KCNK13: variants seen among roughly 807,000 people sequenced by gnomAD.
The protein encoded by KCNK13 is potassium channel subfamily K member 13.
Under a neutral mutation model 23.4 loss-of-function variants are expected in KCNK13, and 12 were observed. The ratio of observed to expected loss-of-function variants is 0.51; its 90% CI spans 0.33 to 0.83. The LOEUF (loss-of-function observed/expected upper bound fraction) is 0.83. KCNK13 is among the 40% of genes least tolerant of loss of function. The pLI is 0.02. For synonymous variants in KCNK13, 231 were observed against 229.5 expected (o/e 1.01, Z -0.06); for missense variants, 463 against 556.3 (o/e 0.83, Z 1.69).
At chr14:90,138,694 T>A (rs144551045) in intron 1 of KCNK13, among the ~76,000 whole-genome samples, 1 of 152,326 alleles carries the variant, frequency 6.6e-6, no homozygotes, top group East Asian at 1.9e-4. Flanking sequence ...TACGGCTGTG[T>A]GATGTGTGCA....
intron 1 of KCNK13, among the ~76,000 whole-genome samples, chr14:90,126,921 A>G (rs1889808296): frequency 6.6e-6 from 1 of 152,182 alleles, no homozygotes; most frequent in Non-Finnish European, 1.5e-5. Flanking sequence ...GTACATCAAG[A>G]TTGTCAAGGT....
intron 1 of KCNK13, among the ~76,000 whole-genome samples, chr14:90,152,177 C>T (rs986720036): frequency 1.4e-4 from 22 of 152,274 alleles, no homozygotes; most frequent in Non-Finnish European, 8.8e-5. Context: ...ATGAGTCTCA[C>T]GAGATCTGAT....
chr14:90,125,584 C>T (rs1210227823), intron 1 of KCNK13, among the ~76,000 whole-genome samples: 8 of 123,740 alleles, frequency 6.5e-5, no homozygotes, highest in Non-Finnish European at 1.1e-4. Context: ...TAAGGAAGTG[C>T]GTAAACACAC....
intron 1 of KCNK13, among the ~76,000 whole-genome samples, chr14:90,143,176 T>TTTC (rs3994012): frequency 0.038 from 3,751 of 97,538 alleles, 157 homozygotes; most frequent in African/African-American, 0.11. Context: ...TCTTTCTTTC[T>TTTC]TTTCTTTTCT....
chr14:90,069,315 T>C (rs1286926), intron 1 of KCNK13, among the ~76,000 whole-genome samples: 1 of 151,772 alleles, frequency 6.6e-6, no homozygotes, highest in Non-Finnish European at 1.5e-5. Context: ...GATTATAGGC[T>C]TGAGCCACTG....
intron 1 of KCNK13, among the ~76,000 whole-genome samples, chr14:90,125,955 G>A (rs989335608): frequency 6.6e-6 from 1 of 151,684 alleles, no homozygotes; most frequent in African/African-American, 2.4e-5. Flanking sequence ...GCCTGGGGAG[G>A]TTGAGGTTGC....
intron 1 of KCNK13, among the ~76,000 whole-genome samples, chr14:90,166,863 A>T (rs1480853135): frequency 6.6e-6 from 1 of 152,130 alleles, no homozygotes; most frequent in Non-Finnish European, 1.5e-5. Flanking sequence ...CCCTGCACAC[A>T]CACACCCAAA....
At chr14:90,064,159 C>T (rs1380267162) in intron 1 of KCNK13, among the ~76,000 whole-genome samples, 2 of 152,194 alleles carry the variant, frequency 1.3e-5, no homozygotes, top group Admixed American at 1.3e-4. Context: ...TCCACATAGG[C>T]AAGACTTGGG....
intron 1 of KCNK13, among the ~76,000 whole-genome samples, chr14:90,131,796 G>C (rs1464696688): frequency 3.3e-5 from 5 of 152,236 alleles, no homozygotes; most frequent in Admixed American, 2.6e-4. Context: ...ATGTCAGTGA[G>C]GAGACAGAGA....
rs187354137 is a variant in KCNK13, at chr14:90,093,515, C to T, written c.334+30976C>T. Among the ~76,000 whole-genome samples the T allele has an allele frequency of 1.0e-3, 159 of 152,296 alleles. 2 individuals are homozygous for T. The South Asian group carries it at 0.011, about 10-fold the overall frequency. ...CATTTTAAGCAAATCTAGGGCAAGT[C>T]AGGAAGCAGGATGGATGCTTTTGAT... On this transcript the variant is annotated intron_variant, in intron 1 of 1. Coordinates refer to ENST00000282146, the MANE Select transcript of KCNK13 (RefSeq NM_022054.4).
At chr14:90,152,226 GC>G (rs1183879763) in intron 1 of KCNK13, among the ~76,000 whole-genome samples, 1 of 152,110 alleles carries the variant, frequency 6.6e-6, no homozygotes, top group Non-Finnish European at 1.5e-5. Flanking sequence ...ACATTCTCTT[GC>G]CCGCTACCAT....
rs529618916 is a variant in KCNK13, at chr14:90,072,235, CA to C, written c.334+9697del. Among the ~76,000 whole-genome samples the C allele has an allele frequency of 3.5e-3, 536 of 152,330 alleles. 15 individuals are homozygous for C. Among genetic ancestry groups the C allele is most frequent in the Middle Eastern group, 0.02 (6 of 294 alleles). ...ATCCTTATAAGCCTAATTAGGTGCTCAGGGTATATTTTTCCCATTCTCTAAT... is the reference window on the plus strand; with the variant it reads ...ATCCTTATAAGCCTAATTAGGTGCTCGGGTATATTTTTCCCATTCTCTAAT... On this transcript the variant is annotated intron_variant, in intron 1 of 1. Coordinates refer to ENST00000282146, the MANE Select transcript of KCNK13 (RefSeq NM_022054.4).
At chr14:90,145,821 C>T (rs1566645465) in intron 1 of KCNK13, among the ~76,000 whole-genome samples, 1 of 151,544 alleles carries the variant, frequency 6.6e-6, no homozygotes, top group Non-Finnish European at 1.5e-5. Flanking sequence ...GGCAACATGA[C>T]GAAACCCCAT....
chr14:90,121,958 G>GAT (rs1889744370), intron 1 of KCNK13, among the ~76,000 whole-genome samples: 2 of 152,044 alleles, frequency 1.3e-5, no homozygotes, highest in South Asian at 4.2e-4. Flanking sequence ...GACCTCAAGT[G>GAT]ATCTGCCCGC....
chr14:90,112,396 A>G (rs1036158172), intron 1 of KCNK13, among the ~76,000 whole-genome samples: 6 of 152,238 alleles, frequency 3.9e-5, no homozygotes, highest in Admixed American at 3.9e-4. Flanking sequence ...CAGTTGATTC[A>G]TGCCGGCCAG....
chr14:90,179,301 AAT>A (rs2140448371), intron 1 of KCNK13, among the ~76,000 whole-genome samples: 1 of 151,772 alleles, frequency 6.6e-6, no homozygotes, highest in South Asian at 2.1e-4. Flanking sequence ...CTGTTTGAAA[AAT>A]ATCATAATAC....
rs926069873 is a variant in KCNK13 at position 90,152,460 on chromosome 14, G to A, written c.335-31651G>A. On this transcript the variant is annotated intron_variant, in intron 1 of 1. Transcript: ENST00000282146. The stretch of plus-strand genomic sequence containing the variant: ...TGAGGCAGGAGAATCGCTTGAACCC[G>A]GGAGGTGGAGGTTGTGGTGACCCGA... Among the ~76,000 whole-genome samples, 8 of 152,088 alleles carry A rather than the reference G, an allele frequency of 5.3e-5. No homozygotes were observed. The South Asian group carries it at 8.3e-4, about 16-fold the overall frequency.
intron 1 of KCNK13, among the ~76,000 whole-genome samples, chr14:90,182,468 A>G (rs1753892041): frequency 6.6e-6 from 1 of 152,186 alleles, no homozygotes; most frequent in Admixed American, 6.5e-5. Context: ...AGGGAGGATC[A>G]TGAGAGAGCT....
chr14:90,125,902 T>G (rs778446650), intron 1 of KCNK13, among the ~76,000 whole-genome samples: 7 of 151,780 alleles, frequency 4.6e-5, no homozygotes, highest in Non-Finnish European at 8.8e-5. Flanking sequence ...AATGCACCTA[T>G]AGTCCCAGCT....
Sources: gnomAD v4.1 joint callset for allele counts (sites outside exome capture counted in the v4.1 genomes callset) on GRCh38, gnomAD v4.1.1 for gene constraint, MANE v1.5 for transcripts, NCBI Gene and HGNC (gene_info 2026-07-23, HGNC 2026-07-21) for gene names.